Variants in AUTS2 observed in about 807,000 individuals in gnomAD.
AUTS2 encodes the protein autism susceptibility gene 2 protein.
A neutral mutation model predicts 112.4 loss-of-function variants in AUTS2; 17 were observed. The ratio of observed to expected loss-of-function variants is 0.15; its 90% CI spans 0.10 to 0.23. The LOEUF is 0.23. Ranked by LOEUF, AUTS2 falls within the 10% of genes least tolerant of loss-of-function variation. The pLI, the probability that AUTS2 is intolerant of heterozygous loss-of-function variation, is 1.00. For synonymous variants in AUTS2, 751 were observed against 702.7 expected (o/e 1.07, Z -1.09); for missense variants, 1,510 against 1,701.6 (o/e 0.89, Z 1.98).
rs1022561508 is a variant in AUTS2, at chr7:70,273,618, G to A, written c.660+139047G>A. 1.7e-3 allele frequency among the ~76,000 whole-genome samples: 259 copies of A among 152,092 alleles called. 3 individuals carry two copies. Among genetic ancestry groups the A allele is most frequent in the Non-Finnish European group, 4.1e-4 (28 of 67,994 alleles). ...TCAAGTATAGTCACTTAATTGACAC[G>A]TGCAGTTTTAAAAATTATAGTCACC... On this transcript the variant is annotated intron_variant, in intron 4 of 18. Transcript: ENST00000342771.
At chr7:70,055,216 C>T (rs565930097) in intron 2 of AUTS2, among the ~76,000 whole-genome samples, 1 of 152,104 alleles carries the variant, frequency 6.6e-6, no homozygotes, top group African/African-American at 2.4e-5. Flanking sequence ...GGGTGGATCA[C>T]CTGAGGTTGG....
chr7:70,085,541 T>G lies in AUTS2; in HGVS notation c.523-32591T>G, dbSNP rs559161293. Among the ~76,000 whole-genome samples, 13 of 151,886 alleles carry G rather than the reference T, an allele frequency of 8.6e-5. No individual in the cohort carries two copies. The East Asian group carries it at 2.1e-3, about 25-fold the overall frequency. On this transcript the variant is annotated intron_variant, in intron 2 of 18. Coordinates refer to ENST00000342771, the MANE Select transcript of AUTS2 (RefSeq NM_015570.4). ...CCACCACACCCAGCTAATTTTTGTATTTTTTAGTAGAGACAGGGTTTCACC... is the reference window on the plus strand; with the variant it reads ...CCACCACACCCAGCTAATTTTTGTAGTTTTTAGTAGAGACAGGGTTTCACC...
intron 5 of AUTS2, among the ~76,000 whole-genome samples, chr7:70,625,687 C>T (rs756006528): frequency 6.6e-6 from 1 of 152,138 alleles, no homozygotes; most frequent in Non-Finnish European, 1.5e-5. Flanking sequence ...CCCCTCTATA[C>T]AAACATGTAA....
chr7:70,216,296 G>A (rs1016436379), intron 4 of AUTS2, among the ~76,000 whole-genome samples: 4 of 152,114 alleles, frequency 2.6e-5, no homozygotes, highest in African/African-American at 9.7e-5. Flanking sequence ...GGTGTATGAC[G>A]GGCTTGAAGT....
intron 4 of AUTS2, among the ~76,000 whole-genome samples, chr7:70,212,667 C>A (rs1306511803): frequency 6.6e-6 from 1 of 150,894 alleles, no homozygotes; most frequent in African/African-American, 2.4e-5. Context: ...TGATTTGCTT[C>A]CCCTCTTCTC....
intron 2 of AUTS2, among the ~76,000 whole-genome samples, chr7:70,075,431 A>G (rs1053531394): frequency 2.0e-5 from 3 of 152,186 alleles, no homozygotes; most frequent in Admixed American, 1.3e-4. Context: ...AAGGCACTCA[A>G]TATTGAGTGT....
chr7:70,774,778 A>AT (rs1364777117), intron 12 of AUTS2: 1 of 152,790 alleles, frequency 6.5e-6, no homozygotes, highest in African/African-American at 2.4e-5. Flanking sequence ...TTTTACCTAC[A>AT]TAAGGGCAGT....
chr7:70,185,257 CTTTTTTT>C (rs35215443), intron 4 of AUTS2, among the ~76,000 whole-genome samples: 17 of 87,086 alleles, frequency 2.0e-4, no homozygotes, highest in South Asian at 5.1e-4. Flanking sequence ...TGACATTAAA[CTTTTTTT>C]TTTTTTTTTT....
At chr7:69,936,338 A>AT (rs950230841) in intron 2 of AUTS2, among the ~76,000 whole-genome samples, 42 of 151,488 alleles carry the variant, frequency 2.8e-4, no homozygotes, top group African/African-American at 9.0e-4. Context: ...GGACCTACAG[A>AT]TTTTTTTTGT....
At chr7:70,757,095 C>T (rs544308499) in intron 6 of AUTS2, among the ~76,000 whole-genome samples, 36 of 152,318 alleles carry the variant, frequency 2.4e-4, no homozygotes, top group Admixed American at 7.2e-4. Context: ...CTATCTATTA[C>T]GTGACTGACT....
At chr7:70,052,771 C>T (rs1801814462) in intron 2 of AUTS2, among the ~76,000 whole-genome samples, 1 of 152,128 alleles carries the variant, frequency 6.6e-6, no homozygotes, top group African/African-American at 2.4e-5. Flanking sequence ...CCATCCTATC[C>T]CAGCATTTCC....
chr7:70,004,375 CAT>C (rs1490927029), intron 2 of AUTS2, among the ~76,000 whole-genome samples: 39 of 106,802 alleles, frequency 3.7e-4, no homozygotes, highest in South Asian at 1.7e-3. Context: ...AATATATATT[CAT>C]ATATATATTA....
chr7:70,258,531 A>T (rs1787000935), intron 4 of AUTS2, among the ~76,000 whole-genome samples: 2 of 152,178 alleles, frequency 1.3e-5, no homozygotes, highest in South Asian at 4.1e-4. Context: ...TGAAGAATGC[A>T]CTAGATCCTT....
intron 1 of AUTS2, among the ~76,000 whole-genome samples, chr7:69,732,639 C>G (rs1332334310): frequency 6.6e-6 from 1 of 151,726 alleles, no homozygotes; most frequent in Non-Finnish European, 1.5e-5. Context: ...GTAAATAAGG[C>G]CCAAATATGA....
At chr7:70,276,226 A>T (rs1787922137) in intron 4 of AUTS2, among the ~76,000 whole-genome samples, 1 of 152,208 alleles carries the variant, frequency 6.6e-6, no homozygotes. Flanking sequence ...TTTCAAGAAT[A>T]TGCCTATAAA....
intron 1 of AUTS2, among the ~76,000 whole-genome samples, chr7:69,888,540 GATATATATATATATATATATATAT>G (rs60804022): frequency 1.0e-5 from 1 of 99,256 alleles, no homozygotes; most frequent in Non-Finnish European, 1.9e-5. Context: ...CAACATTGGG[GATATATATATATATATATATATAT>G]ATATATATGT....
At chr7:69,620,305 C>G (rs1793596021) in intron 1 of AUTS2, among the ~76,000 whole-genome samples, 1 of 152,210 alleles carries the variant, frequency 6.6e-6, no homozygotes, top group Non-Finnish European at 1.5e-5. Context: ...ATTGAAAAGA[C>G]TTAATCAGAA....
intron 1 of AUTS2, among the ~76,000 whole-genome samples, chr7:69,636,666 T>C (rs1322713897): frequency 6.6e-6 from 1 of 152,154 alleles, no homozygotes; most frequent in Non-Finnish European, 1.5e-5. Flanking sequence ...TCATGTGTTG[T>C]TTTTACAAAA....
intron 1 of AUTS2, among the ~76,000 whole-genome samples, chr7:69,647,700 G>T (rs986222285): frequency 6.6e-6 from 1 of 152,148 alleles, no homozygotes; most frequent in African/African-American, 2.4e-5. Context: ...AGTTTCCAAG[G>T]CTGCCATAAC....
Sources: gnomAD v4.1 joint callset for allele counts (sites outside exome capture counted in the v4.1 genomes callset) on GRCh38, gnomAD v4.1.1 for gene constraint, MANE v1.5 for transcripts, NCBI Gene and HGNC (gene_info 2026-07-23, HGNC 2026-07-21) for gene names.